The following NELL1 variants were observed in gnomAD, a reference collection of about 807,000 sequenced individuals.
NELL1 encodes the protein neural EGFL like 1.
NELL1 carries 76 observed loss-of-function variants against 107.4 expected under a neutral mutation model. That is an observed-to-expected ratio of 0.71 (90% CI 0.59 to 0.86). NELL1 has a LOEUF of 0.86. Ranked by LOEUF, NELL1 falls within the 40% of genes least tolerant of loss-of-function variation. The pLI is 0.00. For missense variants in NELL1, 1,024 were observed against 1,005.5 expected, an observed-to-expected ratio of 1.02 and a Z score of -0.25; for synonymous variants, 353 against 341.2, an observed-to-expected ratio of 1.03 and a Z score of -0.38.
chr11:20,783,815 G>A lies in NELL1; in HGVS notation c.320G>A (p.Arg107Gln), dbSNP rs1290813344. The change falls in exon 3 of 20, where the codon CGA (arginine) becomes CAA (glutamine). Residue 107 changes from arginine to glutamine, a missense_variant. By Grantham distance (43) the Arg-to-Gln change is conservative. Coordinates refer to ENST00000357134, the MANE Select transcript of NELL1 (RefSeq NM_006157.5). The stretch of plus-strand genomic sequence containing the variant: ...ACTTCAGGAGTGATACTGTCCATTC[G>A]AGAACTGGAGCACAGGTAAGAAAGC... ...PSTSGVILSI[R>Q]ELEHSYFELE... is the part of the protein sequence containing the mutation. 14 of 1,612,110 alleles carry A rather than the reference G, an allele frequency of 8.7e-6. No homozygotes were observed. Among genetic ancestry groups the A allele is most frequent in the Middle Eastern group, 1.7e-4 (1 of 6,054 alleles).
intron 2 of NELL1, among the ~76,000 whole-genome samples, chr11:20,758,783 G>A (rs892813926): frequency 6.6e-6 from 1 of 152,134 alleles, no homozygotes; most frequent in African/African-American, 2.4e-5. Flanking sequence ...CCTAAGTGGT[G>A]GGAATGATAA....
At chr11:21,014,465 G>A (rs929827607) in intron 12 of NELL1, among the ~76,000 whole-genome samples, 2 of 152,070 alleles carry the variant, frequency 1.3e-5, no homozygotes, top group African/African-American at 4.8e-5. Context: ...AGTAATGCTG[G>A]CATTCCTCAG....
intron 13 of NELL1, among the ~76,000 whole-genome samples, chr11:21,219,257 T>C (rs1857692815): frequency 2.6e-5 from 4 of 152,176 alleles, no homozygotes; most frequent in Admixed American, 2.6e-4. Flanking sequence ...TAAAAATATC[T>C]TTGTTGTCCA....
At chr11:21,166,165 G>A (rs1856477352) in intron 13 of NELL1, among the ~76,000 whole-genome samples, 1 of 151,662 alleles carries the variant, frequency 6.6e-6, no homozygotes, top group Non-Finnish European at 1.5e-5. Flanking sequence ...ATTTGTGGAA[G>A]CTAAACATTA....
chr11:21,158,883 G>C (rs527261622), intron 13 of NELL1, among the ~76,000 whole-genome samples: 7 of 151,534 alleles, frequency 4.6e-5, no homozygotes, highest in Admixed American at 4.6e-4. Flanking sequence ...TATCTCCTTT[G>C]TTTTCTGAAT....
At chr11:20,920,690 G>A (rs1190311080) in intron 7 of NELL1, among the ~76,000 whole-genome samples, 4 of 152,064 alleles carry the variant, frequency 2.6e-5, no homozygotes, top group Non-Finnish European at 5.9e-5. Flanking sequence ...TCTGTCTCAG[G>A]TGATTGTGGT....
intron 4 of NELL1, among the ~76,000 whole-genome samples, chr11:20,859,811 AGGCGAAC>A (rs56033300): frequency 0.76 from 115,068 of 151,596 alleles, 44,766 homozygotes; most frequent in East Asian, 0.95. Flanking sequence ...CACAGGAGGT[AGGCGAAC>A]ATATTGAATT....
At chr11:21,116,216 C>T (rs923732170) in intron 13 of NELL1, among the ~76,000 whole-genome samples, 2 of 152,086 alleles carry the variant, frequency 1.3e-5, no homozygotes, top group African/African-American at 4.8e-5. Flanking sequence ...CACATGTTTT[C>T]TTGGCTTTTG....
intron 4 of NELL1, among the ~76,000 whole-genome samples, chr11:20,850,117 G>A (rs899171667): frequency 6.6e-6 from 1 of 152,174 alleles, no homozygotes; most frequent in Non-Finnish European, 1.5e-5. Context: ...AAAGGATTAA[G>A]GAGAGGGTAG....
At chr11:21,000,750 A>G (rs1249311294) in intron 12 of NELL1, 1 of 152,222 alleles carries the variant, frequency 6.6e-6, no homozygotes, top group African/African-American at 2.4e-5. Flanking sequence ...TTTATGCAGC[A>G]GGATGTTAAA....
Position 21,570,929 on chromosome 11 carries a change from T to TG in NELL1, c.2147dup (p.Cys716TrpfsTer21). ...CAATTGGACCCATAGCTGTCAGCAG[T>TG]GTCGGTGTCTGGTATGTTGGCTTCC... On this transcript the variant is annotated frameshift_variant, in exon 18 of 20. Transcript: ENST00000357134. LOFTEE classifies it high-confidence loss of function. 6.2e-7 allele frequency: 1 copy of TG among 1,611,146 alleles called. No homozygotes were observed. The highest frequency in any genetic ancestry group is 1.1e-5 in the South Asian group (1 of 90,936).
chr11:21,540,956 A>G (rs999479659), intron 16 of NELL1, among the ~76,000 whole-genome samples: 3 of 151,990 alleles, frequency 2.0e-5, no homozygotes, highest in Non-Finnish European at 4.4e-5. Context: ...TAAGAATAAA[A>G]ATTTCTCCCC....
intron 2 of NELL1, among the ~76,000 whole-genome samples, chr11:20,695,507 G>A (rs1471182650): frequency 3.3e-5 from 5 of 152,178 alleles, no homozygotes; most frequent in Admixed American, 2.0e-4. Flanking sequence ...ATAAAGAGAC[G>A]TTGGATTTTA....
At chr11:21,407,302 A>G (rs1310444841) in intron 15 of NELL1, among the ~76,000 whole-genome samples, 1 of 151,854 alleles carries the variant, frequency 6.6e-6, no homozygotes, top group Non-Finnish European at 1.5e-5. Context: ...TGTAGTCCTA[A>G]CTACTCAGGA....
intron 2 of NELL1, among the ~76,000 whole-genome samples, chr11:20,756,516 ATTTTT>A (rs753445309): frequency 1.3e-3 from 127 of 97,320 alleles, no homozygotes; most frequent in African/African-American, 5.0e-3. Context: ...ATTTTTTGTA[ATTTTT>A]TTTTTTTTTT....
chr11:21,496,007 A>G (rs1854968042), intron 15 of NELL1, among the ~76,000 whole-genome samples: 1 of 152,094 alleles, frequency 6.6e-6, no homozygotes, highest in South Asian at 2.1e-4. Flanking sequence ...ATTGCTTTCT[A>G]TTTTGAAAAT....
chr11:21,208,673 G>A (rs1857438449), intron 13 of NELL1, among the ~76,000 whole-genome samples: 1 of 152,014 alleles, frequency 6.6e-6, no homozygotes, highest in Middle Eastern at 3.2e-3. Context: ...CTCTGTTACT[G>A]GGGCAGAGTT....
intron 2 of NELL1, among the ~76,000 whole-genome samples, chr11:20,704,219 T>C (rs1210556161): frequency 2.6e-5 from 4 of 152,354 alleles, no homozygotes; most frequent in South Asian, 4.1e-4. Flanking sequence ...TTAGGATCAT[T>C]AGCTCTTCTT....
intron 2 of NELL1, among the ~76,000 whole-genome samples, chr11:20,764,611 C>T (rs1856491654): frequency 7.0e-6 from 1 of 142,080 alleles, no homozygotes; most frequent in South Asian, 2.3e-4. Flanking sequence ...CACCCCAGAC[C>T]TTTTTTTTTT....
Sources: allele counts gnomAD v4.1 joint callset (sites outside exome capture counted in the v4.1 genomes callset), GRCh38; gene constraint gnomAD v4.1.1; transcripts MANE v1.5; gene names NCBI Gene and HGNC (gene_info 2026-07-23, HGNC 2026-07-21).